GYG2: variants seen among roughly 807,000 people sequenced by gnomAD.
The protein encoded by GYG2 is glycogenin-2.
GYG2 carries 29 observed loss-of-function variants against 29.4 expected under a neutral mutation model. That is an observed-to-expected ratio of 0.99 (90% CI 0.74 to 1.35). The LOEUF (loss-of-function observed/expected upper bound fraction) is 1.35, where lower values mean the gene tolerates loss of function less well. Among genes scored for constraint, GYG2 ranks in the 40% most tolerant of loss-of-function variants. The probability of loss-of-function intolerance (pLI) is 0.00; values close to 1 mark genes in which losing one functional copy is unlikely to be tolerated. For missense variants in GYG2, 370 were observed against 385.7 expected, an observed-to-expected ratio of 0.96 and a Z score of 0.34; for synonymous variants, 167 against 172.3, an observed-to-expected ratio of 0.97 and a Z score of 0.24.
At chrX:2,840,312 C>T (rs1463031547) in intron 2 of GYG2, among the ~76,000 whole-genome samples, 2 of 111,519 alleles carry the variant, frequency 1.8e-5, no homozygotes, top group Non-Finnish European at 3.8e-5. Flanking sequence ...GTGAAGCTCA[C>T]ACAGTACCTT....
In GYG2 at chrX:2,848,484, G is replaced by A. The variant is rs181968572; in HGVS notation, c.149+5130G>A. Among the ~76,000 whole-genome samples the A allele has an allele frequency of 7.1e-3, 693 of 97,862 alleles. 1 individual carries two copies. The highest frequency in any genetic ancestry group is 0.011 in the Non-Finnish European group (574 of 50,084). 85.0% of individuals were successfully genotyped at this position (97,862 alleles called of 115,157 possible). A position where few individuals can be genotyped will look rare whatever the true frequency, so the allele number is the denominator to read the frequency against. On this transcript the variant is annotated intron_variant, in intron 3 of 10. Transcript: ENST00000398806. ...ACCTGGGAGGCAGAGGTTGCAGTGA[G>A]CCCAGATCGCGCCACCTGCACTCCA...
In GYG2 at chrX:2,868,786, G is replaced by A. The variant is rs148346531; in HGVS notation, c.1039-7024G>A. Among the ~76,000 whole-genome samples the A allele has an allele frequency of 5.5e-3, 605 of 110,999 alleles. 8 individuals are homozygous for A. The highest frequency in any genetic ancestry group is 8.4e-3 in the Non-Finnish European group (444 of 52,997). On this transcript the variant is annotated intron_variant, in intron 8 of 10. Coordinates refer to ENST00000398806, the MANE Select transcript of GYG2 (RefSeq NM_001079855.2). ...GAACCACCATGGCACACGTATACCC[G>A]TGTAACAAACCTGCACATCCTGCAC... is the stretch of plus-strand genomic sequence containing the variant.
intron 8 of GYG2, among the ~76,000 whole-genome samples, chrX:2,863,943 A>G (rs752938426): frequency 2.1e-4 from 24 of 111,905 alleles, no homozygotes; most frequent in African/African-American, 6.8e-4. Flanking sequence ...TCGCATTTAC[A>G]TTAAATGTTT....
Position 2,838,412 on chromosome X carries a change from TTC to T in GYG2, c.8-4792_8-4791del, listed in dbSNP as rs753105720. Among the ~76,000 whole-genome samples the T allele has an allele frequency of 2.1e-3, 220 of 106,943 alleles. 1 individual carries two copies. The highest frequency in any genetic ancestry group is 3.6e-3 in the Non-Finnish European group (188 of 51,579). 92.9% of individuals were successfully genotyped at this position (106,943 alleles called of 115,157 possible). On this transcript the variant is annotated intron_variant, in intron 2 of 10. Coordinates refer to ENST00000398806, the MANE Select transcript of GYG2 (RefSeq NM_001079855.2). ...AGGACTGCTGATTTTCTTTCTTTCT[TTC>T]TCTCTCTCCCCTCCTCTCCTCTCCC...
chrX:2,868,547 C>T (rs1345218873), intron 8 of GYG2, among the ~76,000 whole-genome samples: 1 of 110,157 alleles, frequency 9.1e-6, no homozygotes, highest in Non-Finnish European at 1.9e-5. Context: ...CCCACCTCTC[C>T]ATCCTAAGGT....
chrX:2,843,057 C>T (rs1272303385), intron 2 of GYG2, 156 bp from the exon 3 acceptor site: 2 of 526,944 alleles, frequency 3.8e-6, no homozygotes, highest in African/African-American at 2.3e-5. Context: ...AAGCAATTCA[C>T]CCACCTCAGC....
At chrX:2,844,489 T>C (rs146657091) in intron 3 of GYG2, among the ~76,000 whole-genome samples, 267 of 108,080 alleles carry the variant, frequency 2.5e-3, no homozygotes, top group Admixed American at 0.013. Context: ...TATGTGTATA[T>C]GCACGCGTGT....
chrX:2,843,743 C>T (rs1157156984), intron 3 of GYG2, among the ~76,000 whole-genome samples: 4 of 111,886 alleles, frequency 3.6e-5, no homozygotes, highest in African/African-American at 1.3e-4. Flanking sequence ...GATCTTCCCT[C>T]CTCAGCCTTC....
At chrX:2,855,177 G>A (rs371033592) in intron 5 of GYG2, 22 bp downstream of exon 5, 60 of 1,185,027 alleles carry the variant, frequency 5.1e-5, no homozygotes, top group Non-Finnish European at 6.6e-5. Context: ...CAGCCCGGAC[G>A]CTTAGGGTCT....
chrX:2,868,314 C>T (rs1451108436), intron 8 of GYG2, among the ~76,000 whole-genome samples: 3 of 108,060 alleles, frequency 2.8e-5, no homozygotes, highest in African/African-American at 1.0e-4. Flanking sequence ...TTGAGACCAG[C>T]CTGGCCAACA....
intron 8 of GYG2, among the ~76,000 whole-genome samples, chrX:2,874,987 C>A (rs1298878746): frequency 1.8e-5 from 2 of 112,402 alleles, no homozygotes; most frequent in South Asian, 3.7e-4. Context: ...ACTCATTAAG[C>A]TAACTGCTTT....
intron 6 of GYG2, among the ~76,000 whole-genome samples, chrX:2,858,158 G>C (rs2088066495): frequency 9.0e-6 from 1 of 111,698 alleles, no homozygotes; most frequent in Admixed American, 9.6e-5. Context: ...TAAATATGGA[G>C]AGAGAGAATC....
intron 3 of GYG2, among the ~76,000 whole-genome samples, chrX:2,849,410 G>A (rs981022617): frequency 1.8e-5 from 2 of 111,628 alleles, no homozygotes; most frequent in Admixed American, 9.6e-5. Flanking sequence ...GAAAAGGTCC[G>A]AGAGCTTCAA....
chrX:2,873,044 C>T (rs982387292), intron 8 of GYG2, among the ~76,000 whole-genome samples: 3 of 112,058 alleles, frequency 2.7e-5, no homozygotes, highest in Non-Finnish European at 3.8e-5. Context: ...TGCTAGTTCT[C>T]GTATGTTGGG....
At chrX:2,861,470 T>G in intron 7 of GYG2, 52 bp from the exon 8 acceptor site, 3 of 1,017,243 alleles carry the variant, frequency 2.9e-6, no homozygotes, top group South Asian at 1.9e-5. Context: ...GGACAGCAGG[T>G]GAATTGAGGA....
At chrX:2,830,786 T>C (rs1385569981) in intron 2 of GYG2, among the ~76,000 whole-genome samples, 3 of 111,624 alleles carry the variant, frequency 2.7e-5, no homozygotes, top group Non-Finnish European at 5.7e-5. Context: ...AGCTGGGCAT[T>C]GCGGCACCTG....
chrX:2,857,644 A>G (rs1224434020), intron 6 of GYG2, among the ~76,000 whole-genome samples: 3 of 110,751 alleles, frequency 2.7e-5, no homozygotes, highest in African/African-American at 6.5e-5. Flanking sequence ...ATATTAATAC[A>G]TAGATGTATC....
In GYG2 at chrX:2,880,975, A is replaced by G; in HGVS notation, c.1252-77A>G. ...GATGCATCTTTCTGCGGGACCCTAC[A>G]CTGGATGGGTTTTAGCAGTCTTTCC... On this transcript the variant is annotated intron_variant, in intron 10 of 10. Coordinates refer to ENST00000398806, the MANE Select transcript of GYG2 (RefSeq NM_001079855.2). 4.3e-6 allele frequency: 4 copies of G among 930,805 alleles called. No homozygotes were observed. The South Asian group carries it at 8.5e-5, about 20-fold the overall frequency. The allele number at this position is 930,805 out of a possible 1,213,427, so 76.7% of individuals were successfully genotyped here. A position where few individuals can be genotyped will look rare whatever the true frequency, so the allele number is the denominator to read the frequency against.
At chrX:2,878,282 AATT>A (rs201944405) in intron 10 of GYG2, 614 of 440,392 alleles carry the variant, frequency 1.4e-3, no homozygotes, top group Non-Finnish European at 1.6e-3. Context: ...TCTTTTTAAA[AATT>A]ATTATTATTA....
Sources: allele counts gnomAD v4.1 joint callset (sites outside exome capture counted in the v4.1 genomes callset), GRCh38; gene constraint gnomAD v4.1.1; transcripts MANE v1.5; gene names NCBI Gene and HGNC (gene_info 2026-07-23, HGNC 2026-07-21).